The following IDH3B variants were observed in gnomAD, a reference collection of about 807,000 sequenced individuals.
The protein encoded by IDH3B is isocitrate dehydrogenase (NAD(+)) 3 non-catalytic subunit beta.
IDH3B carries 40 observed loss-of-function variants against 47.5 expected under a neutral mutation model. The ratio of observed to expected loss-of-function variants is 0.84; its 90% CI spans 0.65 to 1.10. IDH3B has a LOEUF of 1.10. IDH3B is among the 50% of genes least tolerant of loss of function. The probability of loss-of-function intolerance (pLI) is 0.00; values close to 1 mark genes in which losing one functional copy is unlikely to be tolerated. For missense variants in IDH3B, 450 were observed against 505.2 expected, an observed-to-expected ratio of 0.89 and a Z score of 1.05; for synonymous variants, 185 against 191.0, an observed-to-expected ratio of 0.97 and a Z score of 0.26.
At position 2,660,301 on chromosome 20, in the gene IDH3B, T is replaced by C; in HGVS notation, c.730A>G (p.Lys244Glu). ...TTGTCTATGATCATTGTCTCAAATTTGATTTTGGGGTACAGTTCAGCAACT... is the reference window on the plus strand; with the variant it reads ...TTGTCTATGATCATTGTCTCAAATTCGATTTTGGGGTACAGTTCAGCAACT... ...EEVAELYPKI[K>E]FETMIIDNCC... Residue 244 changes from lysine to glutamate, a missense_variant, in exon 8 of 12, where the codon AAA becomes GAA. Lys to Glu is a moderately conservative substitution (Grantham distance 56, BLOSUM62 1). Transcript: ENST00000380843. This position sits in a 1 kb window ranked among gnomAD's most constrained non-coding sequence, Gnocchi z 5.6. 1 of 1,614,122 alleles carries C rather than the reference T, an allele frequency of 6.2e-7. No individual in the cohort carries two copies.
intron 11 of IDH3B, chr20:2,659,289 G>C: frequency 6.8e-7 from 1 of 1,474,602 alleles, no homozygotes. Flanking sequence ...GATGGAGCAG[G>C]AAAGAGGGAA....
rs763798195 is a variant in IDH3B, at chr20:2,660,553, G to A, written c.569C>T (p.Thr190Ile). The change falls in exon 7 of 12, where the codon ACA becomes ATA. Residue 190 changes from threonine to isoleucine, a missense_variant. By Grantham distance (89) the Thr-to-Ile change is moderately conservative (BLOSUM62 -1). Coordinates refer to ENST00000380843, the MANE Select transcript of IDH3B (RefSeq NM_006899.5). The surrounding 1 kb of genome is among the most constrained non-coding windows in gnomAD (Gnocchi z 5.6). ...TGCAATCCGCTGAGACTTGGCTCGT[G>A]TGACAATCTTCAAACACTCAATCAC... ...RGVIECLKIV[T>I]RAKSQRIAKF... 1 of 1,614,128 alleles carries A rather than the reference G, an allele frequency of 6.2e-7. No homozygotes were observed. The highest frequency in any genetic ancestry group is 1.1e-5 in the South Asian group (1 of 91,078).
intron 9 of IDH3B, 89 bp from the exon 10 acceptor site, chr20:2,659,882 A>T: frequency 7.1e-7 from 1 of 1,409,236 alleles, no homozygotes; most frequent in East Asian, 2.3e-5. Context: ...TGGGAGGGGG[A>T]GCTCAGGCCA....
chr20:2,661,194 TGTGTGTGTGC>T (rs1239227364), intron 4 of IDH3B, among the ~76,000 whole-genome samples: 2 of 151,580 alleles, frequency 1.3e-5, no homozygotes, highest in Admixed American at 1.3e-4. Flanking sequence ...TGTGTGTGTG[TGTGTGTGTGC>T]GTGTGTGAGA....
chr20:2,662,297 C>G (rs879297819), intron 4 of IDH3B, among the ~76,000 whole-genome samples: 2 of 152,058 alleles, frequency 1.3e-5, no homozygotes, highest in Non-Finnish European at 2.9e-5. Flanking sequence ...TCAGGTAGTA[C>G]ATATTTGGAA....
At position 2,660,842 on chromosome 20, in the gene IDH3B, A is replaced by G. The variant is rs750871755; in HGVS notation, c.399-13T>C. 8 of 1,614,228 alleles carry G rather than the reference A, an allele frequency of 5.0e-6. No individual in the cohort carries two copies. The South Asian group carries it at 8.8e-5, about 18-fold the overall frequency. On this transcript the variant is annotated splice_polypyrimidine_tract_variant and intron_variant, in intron 5 of 11. Transcript: ENST00000380843. The surrounding 1 kb of genome is among the most constrained non-coding windows in gnomAD (Gnocchi z 5.6). Reference sequence around the variant, plus strand: ...GTCCAACTTACGCCTGAGGGTGGGCAGGGCCATCAGCTCTGCTCCTGGTGC... The same window carrying G: ...GTCCAACTTACGCCTGAGGGTGGGCGGGGCCATCAGCTCTGCTCCTGGTGC...
At chr20:2,661,208 T>TGTGTGTGC (rs1568549618) in intron 4 of IDH3B, among the ~76,000 whole-genome samples, 41 of 152,042 alleles carry the variant, frequency 2.7e-4, no homozygotes, top group Non-Finnish European at 2.9e-5. Context: ...TGTGTGCGTG[T>TGTGTGTGC]GTGAGAGACA....
rs1254684860 is a variant in IDH3B, at chr20:2,660,289, T to C, written c.742A>G (p.Met248Val). The change falls in exon 8 of 12, where the codon ATG becomes GTG. Residue 248 changes from methionine (M) to valine (V), a missense_variant. Coordinates refer to ENST00000380843, the MANE Select transcript of IDH3B (RefSeq NM_006899.5). The surrounding 1 kb of genome is among the most constrained non-coding windows in gnomAD (Gnocchi z 5.6). ...TGCATGCAGCAGTTGTCTATGATCA[T>C]TGTCTCAAATTTGATTTTGGGGTAC... ...ELYPKIKFET[M>V]IIDNCCMQLV... 6 of 1,614,096 alleles carry C rather than the reference T, an allele frequency of 3.7e-6. No individual in the cohort carries two copies. Among genetic ancestry groups the C allele is most frequent in the Non-Finnish European group, 5.1e-6 (6 of 1,180,004 alleles).
chr20:2,658,553 G>T lies in IDH3B; in HGVS notation c.*198C>A. On this transcript the variant is annotated 3_prime_UTR_variant, in exon 12 of 12. Transcript: ENST00000380843. The stretch of plus-strand genomic sequence containing the variant: ...GGGGAGAATCATCATCATCCATGTG[G>T]CCTGGGCTCCATCCTAACAATCCCC... The T allele has an allele frequency of 1.2e-6, 2 of 1,613,264 alleles. No individual in the cohort carries two copies. The highest frequency in any genetic ancestry group is 1.7e-6 in the Non-Finnish European group (2 of 1,179,632).
At chr20:2,661,325 T>C (rs947128567) in intron 4 of IDH3B, among the ~76,000 whole-genome samples, 3 of 152,158 alleles carry the variant, frequency 2.0e-5, no homozygotes, top group Non-Finnish European at 2.9e-5. Flanking sequence ...GCCTCCCCAG[T>C]AGCTGGGATT....
intron 4 of IDH3B, among the ~76,000 whole-genome samples, chr20:2,661,183 G>GTA (rs2086941083): frequency 6.6e-6 from 1 of 151,142 alleles, no homozygotes; most frequent in Admixed American, 6.6e-5. Context: ...TTTTCTGTGT[G>GTA]TGTGTGTGTG....
Position 2,658,678 on chromosome 20 carries a change from T to C in IDH3B, c.*73A>G. On this transcript the variant is annotated 3_prime_UTR_variant, in exon 12 of 12. Transcript: ENST00000380843. Reference sequence around the variant, plus strand: ...TGGTCCACTGCTTAGAGGCACAAGGTCTCTTCCCTGGTACACTGCACTGAA... The same window carrying C: ...TGGTCCACTGCTTAGAGGCACAAGGCCTCTTCCCTGGTACACTGCACTGAA... 6.2e-7 allele frequency: 1 copy of C among 1,613,976 alleles called. No individual in the cohort carries two copies. The highest frequency in any genetic ancestry group is 1.1e-5 in the South Asian group (1 of 91,068).
chr20:2,663,178 G>A (rs35977428), intron 4 of IDH3B, among the ~76,000 whole-genome samples: 11,735 of 149,812 alleles, frequency 0.078, 648 homozygotes, highest in East Asian at 0.22. Flanking sequence ...AGCTAAAAGT[G>A]GTATTCCAGA....
Position 2,659,633 on chromosome 20 carries a change from C to T in IDH3B, c.1011-48G>A, listed in dbSNP as rs200725821. 1.5e-3 allele frequency: 2,398 copies of T among 1,609,220 alleles called. 5 individuals are homozygous for T. The highest frequency in any genetic ancestry group is 2.0e-3 in the Middle Eastern group (12 of 6,052). On this transcript the variant is annotated intron_variant, in intron 10 of 11. Transcript: ENST00000380843. ...ACTGTGACTCCCCCAAGACACCTCC[C>T]GCTAATTTCCCCACCTGCTCCTCCT... is the stretch of plus-strand genomic sequence containing the variant.
intron 4 of IDH3B, among the ~76,000 whole-genome samples, chr20:2,662,572 A>G (rs948920358): frequency 6.6e-6 from 1 of 152,142 alleles, no homozygotes; most frequent in African/African-American, 2.4e-5. Context: ...TAATCGCAGC[A>G]GTTTGGGATG....
At position 2,658,411 on chromosome 20, in the gene IDH3B, ATTG is replaced by A; in HGVS notation, c.*337_*339del. 2 of 1,613,672 alleles carry A rather than the reference ATTG, an allele frequency of 1.2e-6. No individual in the cohort carries two copies. The highest frequency in any genetic ancestry group is 1.7e-6 in the Non-Finnish European group (2 of 1,179,812). Reference sequence around the variant, plus strand: ...TCACAAGAGTTGGTTCATGTTCTTTATTGAACACCTTACATGGGTATGGACAGG... The same window carrying A: ...TCACAAGAGTTGGTTCATGTTCTTTAAACACCTTACATGGGTATGGACAGG... On this transcript the variant is annotated 3_prime_UTR_variant, in exon 12 of 12. Transcript: ENST00000380843.
chr20:2,663,032 CAGG>C (rs1280657615), intron 4 of IDH3B, among the ~76,000 whole-genome samples: 14 of 151,440 alleles, frequency 9.2e-5, no homozygotes, highest in Admixed American at 7.2e-4. Flanking sequence ...GAGGCTGAGG[CAGG>C]AGAATTGCTT....
chr20:2,659,130 CAA>C, intron 11 of IDH3B: 3 of 1,211,042 alleles, frequency 2.5e-6, no homozygotes, highest in Admixed American at 8.9e-5. Flanking sequence ...GAAATAGAGA[CAA>C]GACCAGGTGG....
rs2086867910 is a variant in IDH3B, at chr20:2,658,657, C to A, written c.*94G>T. On this transcript the variant is annotated 3_prime_UTR_variant, in exon 12 of 12. Transcript: ENST00000380843. ...CTCTACCCAGCAAGGTGACCATGGT[C>A]CACTGCTTAGAGGCACAAGGTCTCT... 1.9e-6 allele frequency: 3 copies of A among 1,613,954 alleles called. No individual in the cohort carries two copies. The highest frequency in any genetic ancestry group is 3.3e-5 in the Admixed American group (2 of 60,024).
Sources: gnomAD v4.1 joint callset for allele counts (sites outside exome capture counted in the v4.1 genomes callset) on GRCh38, gnomAD v4.1.1 for gene constraint, Gnocchi (gnomAD v3.1) non-coding constraint, MANE v1.5 for transcripts, NCBI Gene and HGNC (gene_info 2026-07-23, HGNC 2026-07-21) for gene names.